SYNE1: variants seen among roughly 807,000 people sequenced by gnomAD.
SYNE1 encodes nesprin-1.
A neutral mutation model predicts 1,111.0 loss-of-function variants in SYNE1; 616 were observed. The ratio of observed to expected loss-of-function variants is 0.55; its 90% CI spans 0.52 to 0.59. SYNE1 has a LOEUF of 0.59. SYNE1 is among the 20% of genes least tolerant of loss of function. The pLI is 0.00. For synonymous variants in SYNE1, 3,855 were observed against 3,825.8 expected (o/e 1.01, Z -0.28); for missense variants, 10,006 against 10,417.0 (o/e 0.96, Z 1.72).
At chr6:152,399,901 T>C (rs1459950447) in intron 47 of SYNE1, 78 bp from the exon 48 acceptor site, 5 of 1,481,746 alleles carry the variant, frequency 3.4e-6, no homozygotes, top group Non-Finnish European at 4.7e-6. Flanking sequence ...TGGTACTGTT[T>C]TACAATCTGA....
intron 42 of SYNE1, 57 bp from the exon 43 acceptor site, chr6:152,409,766 T>C: frequency 3.8e-6 from 6 of 1,573,946 alleles, no homozygotes; most frequent in Non-Finnish European, 5.2e-6. Flanking sequence ...AAAGGGAGAG[T>C]TGCCTGCAAT....
chr6:152,377,391 C>T (rs2097300126), intron 56 of SYNE1, among the ~76,000 whole-genome samples: 1 of 151,262 alleles, frequency 6.6e-6, no homozygotes, highest in Admixed American at 6.6e-5. Context: ...GGGTGGATCA[C>T]CTGAGGTCAG....
chr6:152,292,223 G>C (rs921076989), intron 95 of SYNE1, among the ~76,000 whole-genome samples: 21 of 152,160 alleles, frequency 1.4e-4, no homozygotes, highest in Non-Finnish European at 2.8e-4. Context: ...GTGATAAAAT[G>C]GGGGAAGCTC....
chr6:152,232,204 A>G lies in SYNE1; in HGVS notation c.20774T>C (p.Leu6925Pro). 7 of 1,613,298 alleles carry G rather than the reference A, an allele frequency of 4.3e-6. No individual in the cohort carries two copies. Among genetic ancestry groups the G allele is most frequent in the Non-Finnish European group, 5.9e-6 (7 of 1,179,302 alleles). ...ATCCTTCTGAATAACATTTTCCATT[A>G]GAGAAATCCAACTCATGACTTCAGA... ...AISEVMSWIS[L>P]MENVIQKDED... Residue 6925 changes from leucine to proline, a missense_variant, in exon 113 of 146, where the codon CTA becomes CCA. Transcript: ENST00000367255.
chr6:152,551,069 T>A (rs1374752451), intron 3 of SYNE1, among the ~76,000 whole-genome samples: 2 of 152,204 alleles, frequency 1.3e-5, no homozygotes, highest in African/African-American at 2.4e-5. Flanking sequence ...AGAACTTTTG[T>A]GGATTTTTTC....
intron 56 of SYNE1, among the ~76,000 whole-genome samples, chr6:152,379,866 C>T (rs1204293306): frequency 6.6e-6 from 1 of 152,062 alleles, no homozygotes; most frequent in Non-Finnish European, 1.5e-5. Context: ...TAGGCACAGC[C>T]AAATCTTTCC....
chr6:152,510,941 T>C (rs1478692699), intron 7 of SYNE1, 70 bp downstream of exon 7: 12 of 1,357,058 alleles, frequency 8.8e-6, no homozygotes, highest in Non-Finnish European at 1.3e-5. Flanking sequence ...ATGAGAGCAT[T>C]ATTAAAATGG....
At chr6:152,158,046 T>C (rs998710632) in intron 131 of SYNE1, among the ~76,000 whole-genome samples, 12 of 152,160 alleles carry the variant, frequency 7.9e-5, no homozygotes, top group African/African-American at 2.9e-4. Context: ...TGTGAGCCAC[T>C]GCGCCTGGCA....
intron 61 of SYNE1, 184 bp downstream of exon 61, chr6:152,368,788 A>T (rs1359128434): frequency 1.4e-6 from 1 of 734,654 alleles, no homozygotes; most frequent in African/African-American, 1.7e-5. Context: ...CATCAAGCTT[A>T]TGCAACAACA....
chr6:152,137,226 G>A (rs1018969185), intron 140 of SYNE1, among the ~76,000 whole-genome samples: 3 of 152,158 alleles, frequency 2.0e-5, no homozygotes, highest in Non-Finnish European at 4.4e-5. Context: ...GGGGGTGCAG[G>A]GGGGAGGAAT....
rs555792275 is a variant in SYNE1, at chr6:152,206,283, G to A, written c.22904C>T (p.Ala7635Val). ...VEAGKQLLLS[A>V]DSGAEAALQA... is the part of the protein sequence containing the mutation. ...CAAGGCGGCCTCAGCGCCACTGTCC[G>A]CCGAGAGAAGGAGTTGCTTGCCAGC... Residue 7635 changes from alanine to valine, a missense_variant, in exon 126 of 146, where the codon GCG becomes GTG. Ala to Val is a moderately conservative substitution (Grantham distance 64). Transcript: ENST00000367255. The A allele has an allele frequency of 3.2e-5, 52 of 1,613,916 alleles. No individual in the cohort carries two copies. Among genetic ancestry groups the A allele is most frequent in the South Asian group, 2.2e-4 (20 of 91,062 alleles).
intron 3 of SYNE1, among the ~76,000 whole-genome samples, chr6:152,610,823 G>A (rs886523256): frequency 1.3e-5 from 2 of 152,186 alleles, no homozygotes; most frequent in Admixed American, 6.5e-5. Context: ...AGCCAGAAGA[G>A]AGTGGGGGCC....
intron 3 of SYNE1, among the ~76,000 whole-genome samples, chr6:152,592,544 A>G (rs1387740581): frequency 6.6e-6 from 1 of 151,626 alleles, no homozygotes; most frequent in African/African-American, 2.4e-5. Flanking sequence ...TTTGGGAACA[A>G]TAGACACTAT....
At chr6:152,197,393 T>C (rs1054815759) in intron 127 of SYNE1, among the ~76,000 whole-genome samples, 1 of 152,248 alleles carries the variant, frequency 6.6e-6, no homozygotes, top group Admixed American at 6.5e-5. Context: ...CCATCTGCAA[T>C]GACGAATCCT....
intron 3 of SYNE1, among the ~76,000 whole-genome samples, chr6:152,593,156 T>C (rs908727352): frequency 3.9e-5 from 6 of 152,252 alleles, no homozygotes; most frequent in Admixed American, 6.5e-5. Context: ...ATCAATTAAC[T>C]TGTGGTCAAA....
At chr6:152,367,510 G>C in intron 61 of SYNE1, 128 bp from the exon 62 acceptor site, 1 of 1,062,732 alleles carries the variant, frequency 9.4e-7, no homozygotes, top group Middle Eastern at 2.2e-4. Context: ...GGCAAGTCTG[G>C]CCTAAATCTA....
At chr6:152,464,617 CACTT>C (rs2098753396) in intron 18 of SYNE1, among the ~76,000 whole-genome samples, 1 of 152,164 alleles carries the variant, frequency 6.6e-6, no homozygotes, top group African/African-American at 2.4e-5. Flanking sequence ...TTTTTAGTAT[CACTT>C]ACATATAAAT....
intron 25 of SYNE1, among the ~76,000 whole-genome samples, chr6:152,451,597 C>T (rs981762839): frequency 1.5e-4 from 22 of 147,316 alleles, no homozygotes; most frequent in Middle Eastern, 3.5e-3. Flanking sequence ...ATTCTCCTGT[C>T]TCAGCCTCCT....
At chr6:152,442,992 G>A (rs2098546177) in intron 30 of SYNE1, among the ~76,000 whole-genome samples, 1 of 152,112 alleles carries the variant, frequency 6.6e-6, no homozygotes, top group Non-Finnish European at 1.5e-5. Flanking sequence ...ATTCGGAATG[G>A]TTAATTTGCT....
Sources: allele counts gnomAD v4.1 joint callset (sites outside exome capture counted in the v4.1 genomes callset), GRCh38; gene constraint gnomAD v4.1.1; transcripts MANE v1.5; gene names NCBI Gene and HGNC (gene_info 2026-07-23, HGNC 2026-07-21).